The following FHIP2A variants were observed in gnomAD, a reference collection of about 807,000 sequenced individuals.
The protein encoded by FHIP2A is FHF complex subunit HOOK interacting protein 2A.
Under a neutral mutation model 93.5 loss-of-function variants are expected in FHIP2A, and 46 were observed. That is an observed-to-expected ratio of 0.49 (90% CI 0.39 to 0.63). The LOEUF is 0.63. Ranked by LOEUF, FHIP2A falls within the 20% of genes least tolerant of loss-of-function variation. FHIP2A has a pLI of 0.00. For synonymous variants in FHIP2A, 332 were observed against 326.5 expected, an observed-to-expected ratio of 1.02 and a Z score of -0.18; for missense variants, 769 against 909.7, an observed-to-expected ratio of 0.85 and a Z score of 1.99.
At chr10:114,860,931 C>A (rs780595638) in intron 15 of FHIP2A, 42 bp downstream of exon 15, 1 of 1,560,296 alleles carries the variant, frequency 6.4e-7, no homozygotes, top group Non-Finnish European at 8.8e-7. Flanking sequence ...ATTGATAAAT[C>A]TGTGCAATTA....
At position 114,846,644 on chromosome 10, in the gene FHIP2A, T is replaced by C; in HGVS notation, c.1484T>C (p.Leu495Pro). 2 of 1,612,208 alleles carry C rather than the reference T, an allele frequency of 1.2e-6. No homozygotes were observed. The highest frequency in any genetic ancestry group is 1.1e-5 in the South Asian group (1 of 90,480). ...CTTTACAACTTGGTCTTGAGAAATC[T>C]TGAAGAAAGAAATTATACAGAATAT... ...HILYNLVLRN[L>P]EERNYTEYKP... The change falls in exon 11 of 17, where the codon CTT becomes CCT. Residue 495 changes from leucine (L) to proline (P), a missense_variant. Leu to Pro is a moderately conservative substitution (Grantham distance 98). Coordinates refer to ENST00000369248, the MANE Select transcript of FHIP2A (RefSeq NM_020940.4).
intron 11 of FHIP2A, 38 bp from the exon 12 acceptor site, chr10:114,847,052 A>G: frequency 6.5e-7 from 1 of 1,529,210 alleles, no homozygotes; most frequent in Non-Finnish European, 8.9e-7. Flanking sequence ...ATGTCATAAT[A>G]AAATAGTGCT....
intron 5 of FHIP2A, among the ~76,000 whole-genome samples, chr10:114,840,082 C>G (rs2083660488): frequency 1.3e-5 from 2 of 151,648 alleles, no homozygotes; most frequent in Admixed American, 1.3e-4. Context: ...GAAAGTCTTC[C>G]TGGAAGAGGT....
At chr10:114,861,171 T>A (rs1056499017) in intron 15 of FHIP2A, 60 bp from the exon 16 acceptor site, 1 of 1,590,972 alleles carries the variant, frequency 6.3e-7, no homozygotes. Context: ...TCTTTTTAGA[T>A]CCTGAGGTTG....
intron 16 of FHIP2A, among the ~76,000 whole-genome samples, chr10:114,898,950 A>G: frequency 6.6e-6 from 1 of 152,208 alleles, no homozygotes; most frequent in East Asian, 1.9e-4. Context: ...ACATCTACAC[A>G]CATGATATAA....
At chr10:114,876,436 T>G (rs972527220) in intron 16 of FHIP2A, among the ~76,000 whole-genome samples, 3 of 151,906 alleles carry the variant, frequency 2.0e-5, no homozygotes, top group Non-Finnish European at 4.4e-5. Flanking sequence ...CCACATCACC[T>G]CCCCGAGCCT....
chr10:114,875,595 C>G (rs1421783160), intron 16 of FHIP2A, among the ~76,000 whole-genome samples: 2 of 151,960 alleles, frequency 1.3e-5, no homozygotes, highest in Non-Finnish European at 2.9e-5. Context: ...ACTCAGGAGG[C>G]TGAGACAGGA....
chr10:114,822,124 G>A lies in FHIP2A; in HGVS notation c.45+1G>A. The A allele has an allele frequency of 7.5e-7, 1 of 1,330,924 alleles. No homozygotes were observed. The highest frequency in any genetic ancestry group is 2.7e-5 in the Admixed American group (1 of 37,312). 82.4% of individuals were successfully genotyped at this position (1,330,924 alleles called of 1,614,324 possible). ...CATCCTGCAGCACGCCGTGGAGGCG[G>A]TAAGGCCGCGGGCTGCGGGCGCACG... On this transcript the variant is annotated splice_donor_variant, in intron 1 of 16. Transcript: ENST00000369248. LOFTEE classifies it high-confidence loss of function.
downstream of FHIP2A, among the ~76,000 whole-genome samples, chr10:114,867,953 T>C (rs1419983064): frequency 3.3e-5 from 5 of 151,696 alleles, no homozygotes; most frequent in Non-Finnish European, 7.4e-5. Context: ...TTTTTTTTTT[T>C]TTTTTTGAGA....
At chr10:114,846,415 G>A (rs764166077) in intron 10 of FHIP2A, 48 bp downstream of exon 10, 41 of 1,277,404 alleles carry the variant, frequency 3.2e-5, no homozygotes, top group African/African-American at 8.0e-5. Context: ...TTTGAAATAC[G>A]GTTTTAATGT....
chr10:114,883,795 G>A (rs1163964154), intron 16 of FHIP2A, among the ~76,000 whole-genome samples: 1 of 152,266 alleles, frequency 6.6e-6, no homozygotes, highest in East Asian at 1.9e-4. Context: ...GGTCAGGCTG[G>A]TCTCGAACTC....
At chr10:114,874,264 A>C (rs1310046260) in intron 16 of FHIP2A, among the ~76,000 whole-genome samples, 2 of 134,176 alleles carry the variant, frequency 1.5e-5, no homozygotes, top group Non-Finnish European at 3.5e-5. Flanking sequence ...TTAGATCTTT[A>C]ATTTTTTTTC....
chr10:114,857,807 A>G (rs1292077690), intron 14 of FHIP2A, among the ~76,000 whole-genome samples: 4 of 152,166 alleles, frequency 2.6e-5, no homozygotes, highest in Admixed American at 1.3e-4. Flanking sequence ...TGTTATCACA[A>G]TGCTAATTTG....
intron 16 of FHIP2A, among the ~76,000 whole-genome samples, chr10:114,871,016 C>T (rs1405553400): frequency 7.6e-6 from 1 of 131,762 alleles, no homozygotes; most frequent in Non-Finnish European, 1.7e-5. Flanking sequence ...ATTTTAGCCT[C>T]CACATATATA....
chr10:114,835,721 G>A (rs2083633498), intron 4 of FHIP2A, 80 bp downstream of exon 4: 1 of 916,536 alleles, frequency 1.1e-6, no homozygotes, highest in Non-Finnish European at 1.6e-6. Context: ...TTTTCTGAGA[G>A]TAAAAATAAT....
chr10:114,822,161 A>T (rs756071353), intron 1 of FHIP2A, 38 bp downstream of exon 1: 3 of 1,243,832 alleles, frequency 2.4e-6, no homozygotes, highest in South Asian at 2.6e-5. Context: ...CAGGCCGGGG[A>T]TGGCGGCGGC....
In FHIP2A at chr10:114,899,688, C is replaced by T. The variant is rs146890445; in HGVS notation, c.*174C>T. ...ACCTATCCCATGCCCAGAACTTTGG[C>T]TTGACCAGGCTCATCCAAAACAAGG... On this transcript the variant is annotated 3_prime_UTR_variant, in exon 17 of 17. Coordinates refer to the FHIP2A transcript ENST00000369250. The T allele has an allele frequency of 2.8e-3, 1,473 of 534,930 alleles. 33 individuals carry two copies. The East Asian group carries it at 0.042, about 15-fold the overall frequency. 33.1% of individuals were successfully genotyped at this position (534,930 alleles called of 1,614,324 possible).
At chr10:114,881,945 T>C (rs1013311170) in intron 16 of FHIP2A, among the ~76,000 whole-genome samples, 8 of 152,144 alleles carry the variant, frequency 5.3e-5, no homozygotes, top group African/African-American at 1.9e-4. Flanking sequence ...CGTGCGCGTG[T>C]GTATGTGTGT....
intron 13 of FHIP2A, among the ~76,000 whole-genome samples, chr10:114,854,628 C>T (rs1454677600): frequency 1.3e-5 from 2 of 152,316 alleles, no homozygotes; most frequent in Middle Eastern, 3.4e-3. Context: ...TTTTTAAGTG[C>T]TTGCTCTTGC....
Sources: allele counts gnomAD v4.1 joint callset (sites outside exome capture counted in the v4.1 genomes callset), GRCh38; gene constraint gnomAD v4.1.1; transcripts MANE v1.5; gene names NCBI Gene and HGNC (gene_info 2026-07-23, HGNC 2026-07-21).